Variants in AFG1L observed in about 807,000 individuals in gnomAD.
AFG1L encodes AFG1 like ATPase.
In AFG1L, 53 loss-of-function variants were observed where a neutral mutation model predicts 62.2. The ratio of observed to expected loss-of-function variants is 0.85; its 90% CI spans 0.68 to 1.07. AFG1L has a LOEUF of 1.07. Ranked by LOEUF, AFG1L falls within the 50% of genes least tolerant of loss-of-function variation. AFG1L has a pLI of 0.00. For synonymous variants in AFG1L, 228 were observed against 210.3 expected (o/e 1.08, Z -0.73); for missense variants, 555 against 590.5 (o/e 0.94, Z 0.62).
At chr6:108,471,954 A>G (rs887207187) in intron 8 of AFG1L, among the ~76,000 whole-genome samples, 1 of 152,226 alleles carries the variant, frequency 6.6e-6, no homozygotes, top group South Asian at 2.1e-4. Context: ...CGCAGTGTCC[A>G]TTGATGGATA....
At chr6:108,486,526 C>T (rs1582653138) in intron 10 of AFG1L, among the ~76,000 whole-genome samples, 1 of 151,742 alleles carries the variant, frequency 6.6e-6, no homozygotes, top group Admixed American at 6.6e-5. Context: ...TTGAGTCAGG[C>T]AAAAGATTTT....
chr6:108,317,153 A>C (rs921815462), intron 1 of AFG1L, among the ~76,000 whole-genome samples: 2 of 152,180 alleles, frequency 1.3e-5, no homozygotes, highest in African/African-American at 4.8e-5. Flanking sequence ...GAAGAACATG[A>C]TTATGAATTT....
chr6:108,344,198 C>T (rs1048675516), intron 2 of AFG1L, among the ~76,000 whole-genome samples: 37 of 151,154 alleles, frequency 2.4e-4, no homozygotes, highest in South Asian at 4.2e-4. Flanking sequence ...CTGCAACCTC[C>T]GCCTCCTGGT....
intron 8 of AFG1L, among the ~76,000 whole-genome samples, chr6:108,450,717 G>A (rs1464362290): frequency 2.0e-5 from 3 of 152,032 alleles, no homozygotes; most frequent in East Asian, 1.9e-4. Context: ...TTCTTCTAGC[G>A]TTTTTATGGT....
At chr6:108,412,350 T>C (rs1285919574) in intron 7 of AFG1L, among the ~76,000 whole-genome samples, 1 of 152,160 alleles carries the variant, frequency 6.6e-6, no homozygotes, top group Non-Finnish European at 1.5e-5. Context: ...TTCAGGGTAT[T>C]ATCCAGGAGA....
rs1485946163 is a variant in AFG1L, at chr6:108,295,192, C to T, written c.113C>T (p.Thr38Ile). 1.2e-6 allele frequency: 2 copies of T among 1,606,188 alleles called. No homozygotes were observed. Among genetic ancestry groups the T allele is most frequent in the East Asian group, 4.5e-5 (2 of 44,844 alleles). The change falls in exon 1 of 13, where the codon ACC becomes ATC. Residue 38 changes from threonine to isoleucine, a missense_variant. By Grantham distance (89) the Thr-to-Ile change is moderately conservative. Coordinates refer to ENST00000368977, the MANE Select transcript of AFG1L (RefSeq NM_145315.5). ...AWAAALAPLATAPGKPFWKAY... is the reference protein window; with the variant it reads ...AWAAALAPLAIAPGKPFWKAY... The stretch of plus-strand genomic sequence containing the variant: ...GCCGCCGCTCTCGCTCCTCTGGCCA[C>T]CGCCCCTGGGAAGCCCTTTTGGAAA...
intron 6 of AFG1L, among the ~76,000 whole-genome samples, chr6:108,369,788 T>C (rs138753878): frequency 2.4e-4 from 36 of 152,156 alleles, no homozygotes; most frequent in African/African-American, 8.0e-4. Flanking sequence ...TTTGGTATTT[T>C]TAGTAGAGAC....
rs745931116 is a variant in AFG1L, at chr6:108,323,861, C to A, written c.176C>A (p.Thr59Asn). The change falls in exon 2 of 13, where the codon ACT becomes AAT. Residue 59 changes from threonine to asparagine, a missense_variant. By Grantham distance (65) the Thr-to-Asn change is moderately conservative. Coordinates refer to ENST00000368977, the MANE Select transcript of AFG1L (RefSeq NM_145315.5). ...TVQTSESMTPTATSETYLKAL... is the reference protein window; with the variant it reads ...TVQTSESMTPNATSETYLKAL... ...CAGACATCCGAGAGCATGACCCCAA[C>A]TGCCACTTCAGAGACTTATTTGAAA... The A allele has an allele frequency of 4.3e-6, 7 of 1,614,164 alleles. No homozygotes were observed. The East Asian group carries it at 1.3e-4, about 31-fold the overall frequency.
At chr6:108,427,772 T>C (rs1187434341) in intron 7 of AFG1L, among the ~76,000 whole-genome samples, 1 of 152,136 alleles carries the variant, frequency 6.6e-6, no homozygotes, top group Non-Finnish European at 1.5e-5. Context: ...TCCACCTACC[T>C]TGGCCTCCCA....
At chr6:108,366,178 A>G in intron 5 of AFG1L, 55 bp from the exon 6 acceptor site, 1 of 1,110,612 alleles carries the variant, frequency 9.0e-7, no homozygotes, top group Non-Finnish European at 1.3e-6. Flanking sequence ...TCCACTAGCA[A>G]ATTTGTTACA....
At chr6:108,451,787 C>T (rs534768902) in intron 8 of AFG1L, among the ~76,000 whole-genome samples, 12 of 152,108 alleles carry the variant, frequency 7.9e-5, no homozygotes, top group Non-Finnish European at 1.3e-4. Context: ...GGCGTGATCT[C>T]GGCTCACTGC....
intron 2 of AFG1L, among the ~76,000 whole-genome samples, chr6:108,344,194 C>A (rs913533888): frequency 6.6e-6 from 1 of 151,326 alleles, no homozygotes; most frequent in Non-Finnish European, 1.5e-5. Flanking sequence ...CTCACTGCAA[C>A]CTCCGCCTCC....
At chr6:108,309,255 T>C (rs1469976223) in intron 1 of AFG1L, among the ~76,000 whole-genome samples, 1 of 152,224 alleles carries the variant, frequency 6.6e-6, no homozygotes, top group East Asian at 1.9e-4. Context: ...ATTTTTTATA[T>C]AGAGCATCTT....
intron 2 of AFG1L, chr6:108,344,803 G>T (rs1028096236): frequency 2.1e-6 from 1 of 471,056 alleles, no homozygotes; most frequent in Middle Eastern, 3.2e-4. Context: ...GAGTATGAAG[G>T]TTACTCGTCT....
intron 2 of AFG1L, among the ~76,000 whole-genome samples, chr6:108,330,182 ATTTT>A (rs71015542): frequency 7.5e-6 from 1 of 132,514 alleles, no homozygotes. Flanking sequence ...TTCCTTTTTT[ATTTT>A]TTTTTTTTTT....
chr6:108,418,322 G>T (rs891486215), intron 7 of AFG1L, among the ~76,000 whole-genome samples: 1 of 152,070 alleles, frequency 6.6e-6, no homozygotes, highest in Non-Finnish European at 1.5e-5. Flanking sequence ...ATTACCTATG[G>T]CTCTTTTTGG....
rs765868026 is a variant in AFG1L at position 108,510,212 on chromosome 6, C to A, written c.1063C>A (p.Pro355Thr). The change falls in exon 11 of 13, where the codon CCA (proline) becomes ACA (threonine). Residue 355 changes from proline (P) to threonine (T), a missense_variant and splice_region_variant. Physicochemically the swap from Pro to Thr is conservative, Grantham distance 38. Transcript: ENST00000368977. ...TTTCTTTTATTTCATTTTATCATAGCCACTTGGAGCCAGTGACTATTTGGA... is the reference window on the plus strand; with the variant it reads ...TTTCTTTTATTTCATTTTATCATAGACACTTGGAGCCAGTGACTATTTGGA... The part of the protein sequence containing the change: ...DCTFEELCER[P>T]LGASDYLELS... The A allele has an allele frequency of 6.3e-7, 1 of 1,595,204 alleles. No individual in the cohort carries two copies. Among genetic ancestry groups the A allele is most frequent in the Non-Finnish European group, 8.5e-7 (1 of 1,173,510 alleles).
intron 1 of AFG1L, among the ~76,000 whole-genome samples, chr6:108,301,134 A>C (rs547285520): frequency 2.1e-3 from 327 of 152,216 alleles, no homozygotes; most frequent in Non-Finnish European, 2.5e-3. Context: ...TGCTGGTGGG[A>C]GTATAGCAGT....
chr6:108,516,252 A>G (rs564198594), intron 11 of AFG1L, among the ~76,000 whole-genome samples: 3,605 of 152,312 alleles, frequency 0.024, 136 homozygotes, highest in African/African-American at 0.082. Context: ...AAAATCCTCA[A>G]TAAAATACTG....
Sources: gnomAD v4.1 joint callset for allele counts (sites outside exome capture counted in the v4.1 genomes callset) on GRCh38, gnomAD v4.1.1 for gene constraint, MANE v1.5 for transcripts, NCBI Gene and HGNC (gene_info 2026-07-23, HGNC 2026-07-21) for gene names.